RAD51B: variants seen among roughly 807,000 people sequenced by gnomAD.
RAD51B encodes the protein RAD51 paralog B.
Under a neutral mutation model 42.2 loss-of-function variants are expected in RAD51B, and 38 were observed. The observed-to-expected ratio is 0.90, with a 90% CI of 0.70 to 1.18. The LOEUF (loss-of-function observed/expected upper bound fraction) is 1.18, where lower values mean the gene tolerates loss of function less well. Ranked by LOEUF, RAD51B falls within the 50% of genes most tolerant of loss-of-function variation. RAD51B has a pLI of 0.00. For synonymous variants in RAD51B, 154 were observed against 145.2 expected (o/e 1.06, Z -0.43); for missense variants, 373 against 400.7 (o/e 0.93, Z 0.59).
intron 7 of RAD51B, among the ~76,000 whole-genome samples, chr14:68,178,848 T>TA (rs1295245229): frequency 6.6e-6 from 1 of 152,088 alleles, no homozygotes; most frequent in Non-Finnish European, 1.5e-5. Context: ...ACAGATGTTG[T>TA]AAAAAACCTG....
At chr14:68,655,289 G>T (rs538755403) in intron 11 of RAD51B, among the ~76,000 whole-genome samples, 1 of 152,050 alleles carries the variant, frequency 6.6e-6, no homozygotes, top group Non-Finnish European at 1.5e-5. Flanking sequence ...CCCGGGCCAC[G>T]GCAGCCTGAG....
intron 5 of RAD51B, among the ~76,000 whole-genome samples, chr14:67,881,902 T>G (rs1021397612): frequency 4.6e-5 from 7 of 152,218 alleles, no homozygotes; most frequent in African/African-American, 1.4e-4. Flanking sequence ...TTAAAAAATT[T>G]TATCCAACCC....
intron 7 of RAD51B, among the ~76,000 whole-genome samples, chr14:68,124,084 CT>C (rs1566662878): frequency 6.6e-6 from 1 of 152,090 alleles, no homozygotes; most frequent in Non-Finnish European, 1.5e-5. Flanking sequence ...GAATGGAACT[CT>C]TTCCCCCATT....
intron 9 of RAD51B, among the ~76,000 whole-genome samples, chr14:68,426,358 G>A (rs2084851334): frequency 6.6e-6 from 1 of 151,992 alleles, no homozygotes; most frequent in South Asian, 2.1e-4. Context: ...TTACAGGCGT[G>A]AGCCACCGGG....
At chr14:68,070,492 A>G (rs887269312) in intron 7 of RAD51B, among the ~76,000 whole-genome samples, 2 of 152,178 alleles carry the variant, frequency 1.3e-5, no homozygotes, top group African/African-American at 4.8e-5. Context: ...AATCATTTGC[A>G]TATGGCTAGC....
chr14:68,123,283 G>C (rs928769754), intron 7 of RAD51B, among the ~76,000 whole-genome samples: 1 of 150,102 alleles, frequency 6.7e-6, no homozygotes, highest in African/African-American at 2.5e-5. Context: ...AACCTCTCAG[G>C]CTCACATGAT....
intron 10 of RAD51B, among the ~76,000 whole-genome samples, chr14:68,525,559 C>T (rs1250685028): frequency 1.3e-5 from 2 of 152,174 alleles, no homozygotes; most frequent in South Asian, 2.1e-4. Context: ...CTGGCTAAGC[C>T]CCACCTGCAT....
rs751061304 is a variant in RAD51B at position 68,237,055 on chromosome 14, A to C, written c.757-54829A>C. 2.6e-5 allele frequency among the ~76,000 whole-genome samples: 4 copies of C among 152,156 alleles called. No homozygotes were observed. In the East Asian group the frequency reaches 7.7e-4, roughly 29 times the overall value. Reference sequence around the variant, plus strand: ...CTGCCTTTATTCACCTGCTATTTCAATTATGTGAGCAGTGATGTATCTGTC... The same window carrying C: ...CTGCCTTTATTCACCTGCTATTTCACTTATGTGAGCAGTGATGTATCTGTC... On this transcript the variant is annotated intron_variant, in intron 7 of 10. Coordinates refer to ENST00000471583, the MANE Select transcript of RAD51B (RefSeq NM_133510.4).
chr14:68,374,151 C>T (rs1388079915), intron 8 of RAD51B, among the ~76,000 whole-genome samples: 3 of 152,312 alleles, frequency 2.0e-5, no homozygotes, highest in Non-Finnish European at 4.4e-5. Flanking sequence ...CTGGCACTTT[C>T]CCTCAGCAGA....
intron 8 of RAD51B, among the ~76,000 whole-genome samples, chr14:68,357,669 G>T (rs556609916): frequency 2.8e-4 from 42 of 152,186 alleles, no homozygotes; most frequent in African/African-American, 9.6e-4. Flanking sequence ...CATTAACCTT[G>T]TACATCTTCA....
chr14:67,941,441 G>T (rs1284385103), intron 7 of RAD51B, among the ~76,000 whole-genome samples: 1 of 152,130 alleles, frequency 6.6e-6, no homozygotes, highest in Non-Finnish European at 1.5e-5. Context: ...TTGCTTTTTG[G>T]CTTAGGGGGA....
At chr14:68,109,571 T>G (rs2077428635) in intron 7 of RAD51B, among the ~76,000 whole-genome samples, 1 of 152,032 alleles carries the variant, frequency 6.6e-6, no homozygotes, top group Non-Finnish European at 1.5e-5. Context: ...TCCAGAAGTG[T>G]GCCTAGGAAT....
intron 9 of RAD51B, among the ~76,000 whole-genome samples, chr14:68,458,227 A>G (rs1345799711): frequency 2.6e-5 from 4 of 152,202 alleles, no homozygotes; most frequent in Non-Finnish European, 5.9e-5. Context: ...AGAGCTAATC[A>G]TAGCTCATTA....
At chr14:68,230,560 C>G (rs2080128104) in intron 7 of RAD51B, among the ~76,000 whole-genome samples, 1 of 152,134 alleles carries the variant, frequency 6.6e-6, no homozygotes, top group Non-Finnish European at 1.5e-5. Flanking sequence ...GGTGGTTACC[C>G]AAAGCCAAGC....
chr14:68,012,057 A>G (rs2075693376), intron 7 of RAD51B, among the ~76,000 whole-genome samples: 1 of 152,144 alleles, frequency 6.6e-6, no homozygotes, highest in South Asian at 2.1e-4. Flanking sequence ...TTTCTTTCAG[A>G]CAGTATCCTA....
chr14:68,480,365 G>A (rs114472003), downstream of RAD51B, among the ~76,000 whole-genome samples: 801 of 152,234 alleles, frequency 5.3e-3, 11 homozygotes, highest in African/African-American at 0.018. Flanking sequence ...GTGTGAGCCC[G>A]GCCTTCTCTT....
At chr14:68,604,182 C>T (rs955849238) in intron 10 of RAD51B, among the ~76,000 whole-genome samples, 2 of 152,138 alleles carry the variant, frequency 1.3e-5, no homozygotes, top group African/African-American at 2.4e-5. Flanking sequence ...CAGGTGCACG[C>T]GAGAGTGGCT....
chr14:68,016,553 T>G (rs542632231), intron 7 of RAD51B, among the ~76,000 whole-genome samples: 2 of 152,374 alleles, frequency 1.3e-5, no homozygotes, highest in South Asian at 4.1e-4. Flanking sequence ...TTGGTACATT[T>G]ATAACATTTA....
intron 10 of RAD51B, among the ~76,000 whole-genome samples, chr14:68,618,905 A>T (rs1891882065): frequency 1.3e-5 from 2 of 151,916 alleles, no homozygotes; most frequent in South Asian, 4.1e-4. Context: ...TCTGCTTCAC[A>T]GGCTAACCCA....
Sources: gnomAD v4.1 joint callset for allele counts (sites outside exome capture counted in the v4.1 genomes callset) on GRCh38, gnomAD v4.1.1 for gene constraint, MANE v1.5 for transcripts, NCBI Gene and HGNC (gene_info 2026-07-23, HGNC 2026-07-21) for gene names.